CTTNBP2NL: variants seen among roughly 807,000 people sequenced by gnomAD.
CTTNBP2NL encodes the protein CTTNBP2 N-terminal like.
CTTNBP2NL carries 16 observed loss-of-function variants against 32.5 expected under a neutral mutation model. The observed-to-expected ratio is 0.49, with a 90% CI of 0.33 to 0.75. The LOEUF (loss-of-function observed/expected upper bound fraction) is 0.75, where lower values mean the gene tolerates loss of function less well. Ranked by LOEUF, CTTNBP2NL falls within the 30% of genes least tolerant of loss-of-function variation. CTTNBP2NL has a pLI of 0.02. For missense variants in CTTNBP2NL, 645 were observed against 756.0 expected (o/e 0.85, Z 1.72); for synonymous variants, 298 against 289.4 (o/e 1.03, Z -0.30).
chr1:112,451,037 C>T (rs1399591602), intron 4 of CTTNBP2NL, among the ~76,000 whole-genome samples: 1 of 152,024 alleles, frequency 6.6e-6, no homozygotes. Flanking sequence ...TAATAAATTA[C>T]ATGGTCATTG....
At chr1:112,412,945 A>G (rs1648926219) in intron 2 of CTTNBP2NL, among the ~76,000 whole-genome samples, 2 of 152,236 alleles carry the variant, frequency 1.3e-5, no homozygotes, top group South Asian at 2.1e-4. Context: ...TATTAGTGAA[A>G]TGTTCCAGTT....
At chr1:112,421,856 A>G (rs1649242251) in intron 3 of CTTNBP2NL, among the ~76,000 whole-genome samples, 1 of 152,086 alleles carries the variant, frequency 6.6e-6, no homozygotes, top group South Asian at 2.1e-4. Context: ...CCTTCTCTTT[A>G]TAATGAAAAC....
rs561288231 is a variant in CTTNBP2NL at position 112,397,857 on chromosome 1, T to TAC, written c.-134+1586_-134+1587dup. Among the ~76,000 whole-genome samples, 342 of 152,374 alleles carry TAC rather than the reference T, an allele frequency of 2.2e-3. 4 individuals carry two copies. Among genetic ancestry groups the TAC allele is most frequent in the Admixed American group, 0.019 (296 of 15,306 alleles). ...GGTGATTGTAATGACTGTTGTCTTT[T>TAC]ACCTTCTTGATTAGACTTTCTGAAG... On this transcript the variant is annotated intron_variant, in intron 1 of 5. Transcript: ENST00000271277.
chr1:112,456,644 G>A lies in CTTNBP2NL; in HGVS notation c.1152G>A (p.Glu384=). The A allele has an allele frequency of 6.2e-7, 1 of 1,614,188 alleles. No homozygotes were observed. Residue 384 remains glutamate, a synonymous_variant, in exon 6 of 6, where the codon GAG becomes GAA. Coordinates refer to ENST00000271277, the MANE Select transcript of CTTNBP2NL (RefSeq NM_018704.3). ...AAAAATCTGTGGCATTGGCCCAAGA[G>A]AAACCAGTGGAGAATGGTGGGTGTC... ...PREKSVALAQ[E]KPVENGGCPV...
chr1:112,402,928 A>G (rs1162323406), intron 1 of CTTNBP2NL, among the ~76,000 whole-genome samples: 3 of 151,908 alleles, frequency 2.0e-5, no homozygotes, highest in Non-Finnish European at 4.4e-5. Flanking sequence ...CACAGTCATC[A>G]TTTCCCCAGT....
intron 3 of CTTNBP2NL, among the ~76,000 whole-genome samples, chr1:112,444,566 G>T (rs1429985503): frequency 6.6e-6 from 1 of 152,116 alleles, no homozygotes; most frequent in Non-Finnish European, 1.5e-5. Flanking sequence ...TTTTTCTGCT[G>T]TCTGAAATTA....
intron 3 of CTTNBP2NL, among the ~76,000 whole-genome samples, chr1:112,421,552 C>T (rs1399477672): frequency 2.7e-5 from 4 of 149,416 alleles, no homozygotes; most frequent in Non-Finnish European, 4.4e-5. Context: ...CCACCTGCCT[C>T]GGCCTCCCAA....
At chr1:112,439,052 T>C (rs920524820) in intron 3 of CTTNBP2NL, among the ~76,000 whole-genome samples, 9 of 152,190 alleles carry the variant, frequency 5.9e-5, no homozygotes, top group African/African-American at 1.9e-4. Flanking sequence ...ACAGCCGAAA[T>C]TGCTGCCTTT....
At chr1:112,432,223 G>A (rs375451779) in intron 3 of CTTNBP2NL, among the ~76,000 whole-genome samples, 11 of 151,550 alleles carry the variant, frequency 7.3e-5, no homozygotes, top group African/African-American at 1.5e-4. Flanking sequence ...ACAGGCGCCC[G>A]CCACCACACC....
intron 3 of CTTNBP2NL, among the ~76,000 whole-genome samples, chr1:112,420,903 T>G (rs1030781621): frequency 7.2e-5 from 11 of 152,202 alleles, no homozygotes; most frequent in African/African-American, 2.7e-4. Context: ...GAATGTGAGC[T>G]TTCAAGTGAG....
At chr1:112,440,082 C>T (rs889271434) in intron 3 of CTTNBP2NL, among the ~76,000 whole-genome samples, 6 of 152,214 alleles carry the variant, frequency 3.9e-5, no homozygotes, top group Non-Finnish European at 7.3e-5. Flanking sequence ...CATGTCATTA[C>T]TCACGTTGCT....
In CTTNBP2NL at chr1:112,449,127, G is replaced by A. The variant is rs1156735665; in HGVS notation, c.285G>A (p.Glu95=). ...VVMKQCKNMQ[E]RMLSQLAAAE... is the part of the protein sequence containing the mutation. The stretch of plus-strand genomic sequence containing the variant: ...TGAAGCAGTGCAAGAACATGCAGGA[G>A]CGCATGCTGTCCCAGCTGGCTGCTG... The change falls in exon 4 of 6, where the codon GAG becomes GAA. Residue 95 remains glutamate, a synonymous_variant. Coordinates refer to ENST00000271277, the MANE Select transcript of CTTNBP2NL (RefSeq NM_018704.3). 1 of 1,613,708 alleles carries A rather than the reference G, an allele frequency of 6.2e-7. No individual in the cohort carries two copies. The highest frequency in any genetic ancestry group is 1.3e-5 in the African/African-American group (1 of 74,922).
chr1:112,423,871 A>T (rs1021509180), intron 3 of CTTNBP2NL, among the ~76,000 whole-genome samples: 4 of 152,098 alleles, frequency 2.6e-5, no homozygotes, highest in African/African-American at 9.7e-5. Context: ...TTACAGGCAC[A>T]TGCCATCATA....
At position 112,416,181 on chromosome 1, in the gene CTTNBP2NL, C is replaced by T. The variant is rs1239598186; in HGVS notation, c.16C>T (p.Leu6Phe). The change falls in exon 3 of 6, where the codon CTC (leucine) becomes TTC (phenylalanine). Residue 6 changes from leucine (L) to phenylalanine (F), a missense_variant. By Grantham distance (22) the Leu-to-Phe change is conservative (BLOSUM62 0). Coordinates refer to ENST00000271277, the MANE Select transcript of CTTNBP2NL (RefSeq NM_018704.3). ...GGCTTTCAAGATGAATCTGGAAAAA[C>T]TCAGCAAGCCTGAACTCCTGACACT... MNLEK[L>F]SKPELLTLFS... 6.2e-7 allele frequency: 1 copy of T among 1,600,854 alleles called. No individual in the cohort carries two copies. The highest frequency in any genetic ancestry group is 1.3e-5 in the African/African-American group (1 of 74,220).
intron 3 of CTTNBP2NL, among the ~76,000 whole-genome samples, chr1:112,445,043 T>C (rs1649997109): frequency 6.6e-6 from 1 of 152,242 alleles, no homozygotes; most frequent in Non-Finnish European, 1.5e-5. Flanking sequence ...TTTATGGGGC[T>C]GAGGGTCACT....
At position 112,456,119 on chromosome 1, in the gene CTTNBP2NL, G is replaced by A; in HGVS notation, c.627G>A (p.Lys209=). ...GAGAGCTGAGCCTGAAATTGGAGAA[G>A]GAGAAGAGCCGGGTGAGTAAACTGG... ...KAGELSLKLE[K]EKSRVSKLEE... The change falls in exon 6 of 6, where the codon AAG becomes AAA. Residue 209 remains lysine (K), a synonymous_variant. Transcript: ENST00000271277. The A allele has an allele frequency of 1.9e-6, 3 of 1,614,106 alleles. No homozygotes were observed. Among genetic ancestry groups the A allele is most frequent in the South Asian group, 1.1e-5 (1 of 91,066 alleles).
chr1:112,422,084 C>T (rs766407983), intron 3 of CTTNBP2NL, among the ~76,000 whole-genome samples: 1 of 152,128 alleles, frequency 6.6e-6, no homozygotes, highest in Non-Finnish European at 1.5e-5. Flanking sequence ...ACAAACATAT[C>T]CATTGCTCCC....
At chr1:112,432,066 AT>A (rs11440212) in intron 3 of CTTNBP2NL, among the ~76,000 whole-genome samples, 131 of 91,048 alleles carry the variant, frequency 1.4e-3, no homozygotes, top group South Asian at 3.4e-3. Flanking sequence ...ATATATTTTG[AT>A]TTTTTTTTTT....
At chr1:112,432,843 A>C (rs1222125162) in intron 3 of CTTNBP2NL, among the ~76,000 whole-genome samples, 5 of 151,302 alleles carry the variant, frequency 3.3e-5, no homozygotes, top group Non-Finnish European at 7.4e-5. Context: ...ATATTTAATT[A>C]AATATTTCTC....
Sources: gnomAD v4.1 joint callset for allele counts (sites outside exome capture counted in the v4.1 genomes callset) on GRCh38, gnomAD v4.1.1 for gene constraint, MANE v1.5 for transcripts, NCBI Gene and HGNC (gene_info 2026-07-23, HGNC 2026-07-21) for gene names.